Variants in PDE4D observed in about 807,000 individuals in gnomAD.
PDE4D encodes phosphodiesterase 4D.
PDE4D carries 24 observed loss-of-function variants against 87.4 expected under a neutral mutation model. The observed-to-expected ratio is 0.27, with a 90% CI of 0.20 to 0.39. PDE4D has a LOEUF of 0.39. Among genes scored for constraint, PDE4D ranks in the 10% least tolerant of loss-of-function variants. The pLI is 1.00. For synonymous variants in PDE4D, 384 were observed against 383.2 expected (o/e 1.00, Z -0.02); for missense variants, 714 against 1,041.0 (o/e 0.69, Z 4.32).
intron 1 of PDE4D, among the ~76,000 whole-genome samples, chr5:59,313,702 A>G (rs1261750836): frequency 6.6e-6 from 1 of 152,186 alleles, no homozygotes; most frequent in Non-Finnish European, 1.5e-5. Flanking sequence ...TTTCATACCT[A>G]GAACCAAATA....
At chr5:60,414,296 A>C (rs1006653990) in intron 1 of PDE4D, among the ~76,000 whole-genome samples, 4 of 152,222 alleles carry the variant, frequency 2.6e-5, no homozygotes, top group Non-Finnish European at 5.9e-5. Context: ...TAGAGAATGC[A>C]AATAATAGTC....
Position 59,287,711 on chromosome 5 carries a change from A to T in PDE4D, c.456-71743T>A, listed in dbSNP as rs1034397990. 2.8e-5 allele frequency among the ~76,000 whole-genome samples: 4 copies of T among 143,498 alleles called. No homozygotes were observed. The East Asian group carries it at 1.1e-3, about 38-fold the overall frequency. 94.1% of individuals were successfully genotyped at this position (143,498 alleles called of 152,430 possible). A position where few individuals can be genotyped will look rare whatever the true frequency, so the allele number is the denominator to read the frequency against. On this transcript the variant is annotated intron_variant, in intron 1 of 14. Coordinates refer to ENST00000340635, the MANE Select transcript of PDE4D (RefSeq NM_001104631.2). ...CCTCCCCCAGATCCAGGAAACAGAG[A>T]CACACACAGAGAGAGAGAGAGAGAG...
intron 1 of PDE4D, among the ~76,000 whole-genome samples, chr5:59,658,104 G>A (rs974138839): frequency 6.6e-6 from 1 of 151,266 alleles, no homozygotes. Context: ...AGAAAGCAAC[G>A]TAAAAAAGAA....
At chr5:59,721,963 T>C (rs1755894758) in intron 1 of PDE4D, among the ~76,000 whole-genome samples, 1 of 152,152 alleles carries the variant, frequency 6.6e-6, no homozygotes, top group South Asian at 2.1e-4. Context: ...TCGACATCTG[T>C]GACAAGCCCA....
At chr5:59,628,946 G>A (rs1475947128) in intron 1 of PDE4D, among the ~76,000 whole-genome samples, 1 of 152,114 alleles carries the variant, frequency 6.6e-6, no homozygotes, top group African/African-American at 2.4e-5. Context: ...AAGCTAACAT[G>A]TCCTTCTTCA....
intron 1 of PDE4D, among the ~76,000 whole-genome samples, chr5:59,260,276 G>C (rs376508156): frequency 5.9e-5 from 9 of 151,870 alleles, no homozygotes; most frequent in African/African-American, 2.2e-4. Flanking sequence ...GACTTGCCTC[G>C]AAGGCTGGGA....
intron 1 of PDE4D, among the ~76,000 whole-genome samples, chr5:60,201,484 A>C (rs1741899045): frequency 6.6e-6 from 1 of 152,188 alleles, no homozygotes; most frequent in Admixed American, 6.5e-5. Flanking sequence ...AGAGGAAAGC[A>C]TGTGCAATTC....
rs1305370029 is a variant in PDE4D at position 59,061,055 on chromosome 5, CAGTT to C, written c.809-22088_809-22085del. On this transcript the variant is annotated intron_variant, in intron 5 of 14. Transcript: ENST00000340635. Reference sequence around the variant, plus strand: ...TTCATATATTTATTGGTGTTGGTATCAGTTAGACAGTTGAATGATACAAATGTTC... The same window carrying C: ...TTCATATATTTATTGGTGTTGGTATCAGACAGTTGAATGATACAAATGTTC... Among the ~76,000 whole-genome samples the C allele has an allele frequency of 2.0e-5, 3 of 152,120 alleles. No homozygotes were observed. The East Asian group carries it at 5.8e-4, about 29-fold the overall frequency.
intron 6 of PDE4D, among the ~76,000 whole-genome samples, chr5:59,005,164 A>G (rs1751354270): frequency 1.3e-5 from 2 of 152,332 alleles, no homozygotes; most frequent in South Asian, 4.1e-4. Context: ...TCCTTGTCTT[A>G]AAACATTATG....
chr5:60,308,556 A>T (rs1229294192), intron 1 of PDE4D, among the ~76,000 whole-genome samples: 1 of 152,240 alleles, frequency 6.6e-6, no homozygotes. Context: ...TCAGCCCATC[A>T]GTAAAAAGTA....
chr5:59,409,299 T>C (rs557480991), intron 1 of PDE4D, among the ~76,000 whole-genome samples: 33 of 152,248 alleles, frequency 2.2e-4, no homozygotes, highest in African/African-American at 6.7e-4. Context: ...CTTGGGACTT[T>C]TGAGTTAATG....
chr5:60,371,416 C>T (rs909734054), intron 1 of PDE4D, among the ~76,000 whole-genome samples: 2 of 152,150 alleles, frequency 1.3e-5, no homozygotes, highest in Non-Finnish European at 2.9e-5. Flanking sequence ...CCAATATAAT[C>T]GGAGATGCAT....
At chr5:60,128,468 C>T (rs1192818021) in intron 2 of PDE4D, among the ~76,000 whole-genome samples, 2 of 152,138 alleles carry the variant, frequency 1.3e-5, no homozygotes, top group African/African-American at 4.8e-5. Flanking sequence ...TGGGCCTGCT[C>T]ATAGGAAACA....
intron 3 of PDE4D, chr5:59,987,824 G>A (rs1762597748): frequency 6.6e-6 from 1 of 152,104 alleles, no homozygotes; most frequent in Admixed American, 6.6e-5. Flanking sequence ...TTGCTTTAAA[G>A]TGTAAAACTC....
chr5:58,993,202 T>TCTAAAACTCAGAGGCGGATA (rs1235815922), intron 7 of PDE4D, among the ~76,000 whole-genome samples, 170 bp downstream of exon 7: 13 of 152,162 alleles, frequency 8.5e-5, no homozygotes, highest in Non-Finnish European at 1.5e-4. Context: ...CACCTGCAAC[T>TCTAAAACTCAGAGGCGGATA]CTAAAACTCA....
intron 1 of PDE4D, among the ~76,000 whole-genome samples, chr5:59,566,579 T>A (rs201033377): frequency 0.69 from 101,350 of 146,194 alleles, 34,850 homozygotes; most frequent in South Asian, 0.77. Context: ...TGTGTGTGTG[T>A]GTGTGAGAGA....
chr5:59,899,876 A>G (rs540675963), intron 3 of PDE4D, among the ~76,000 whole-genome samples: 2 of 152,308 alleles, frequency 1.3e-5, no homozygotes, highest in South Asian at 4.1e-4. Flanking sequence ...CATGCTGGTC[A>G]TGGTAAGGAC....
chr5:60,434,495 G>T (rs1362113037), intron 1 of PDE4D, among the ~76,000 whole-genome samples: 1 of 151,898 alleles, frequency 6.6e-6, no homozygotes, highest in East Asian at 1.9e-4. Flanking sequence ...GAATTGTATA[G>T]ATTACTCTAA....
intron 2 of PDE4D, among the ~76,000 whole-genome samples, chr5:59,200,193 A>G (rs2153492788): frequency 7.1e-6 from 1 of 141,630 alleles, no homozygotes; most frequent in East Asian, 2.0e-4. Context: ...ATGTATACAT[A>G]CACGTGTATG....
Sources: gnomAD v4.1 joint callset for allele counts (sites outside exome capture counted in the v4.1 genomes callset) on GRCh38, gnomAD v4.1.1 for gene constraint, MANE v1.5 for transcripts, NCBI Gene and HGNC (gene_info 2026-07-23, HGNC 2026-07-21) for gene names.